CRP: variants seen among roughly 807,000 people sequenced by gnomAD.
CRP encodes the protein C-reactive protein.
Under a neutral mutation model 3.0 loss-of-function variants are expected in CRP, and 6 were observed. The ratio of observed to expected loss-of-function variants is 2.02; its 90% CI spans 1.11 to 3.99. The LOEUF (loss-of-function observed/expected upper bound fraction) is 3.99. Ranked by LOEUF, CRP falls within the 30% of genes most tolerant of loss-of-function variation. CRP has a pLI of 0.00. For synonymous variants in CRP, 130 were observed against 111.0 expected, an observed-to-expected ratio of 1.17 and a Z score of -1.08; for missense variants, 297 against 271.0, an observed-to-expected ratio of 1.10 and a Z score of -0.67.
In CRP at chr1:159,714,050, G is replaced by C; in HGVS notation, c.150C>G (p.Ala50=). Residue 50 remains alanine (A), a synonymous_variant, in exon 2 of 2, where the codon GCC becomes GCG. Coordinates refer to ENST00000255030, the MANE Select transcript of CRP (RefSeq NM_000567.3). ...LKAPLTKPLK[A]FTVCLHFYTE... ...TGTAGAAGTGGAGGCACACAGTGAA[G>C]GCTTTGAGAGGCTTCGTTAACGGTG... 1 of 1,613,524 alleles carries C rather than the reference G, an allele frequency of 6.2e-7. No individual in the cohort carries two copies. Among genetic ancestry groups the C allele is most frequent in the Non-Finnish European group, 8.5e-7 (1 of 1,180,006 alleles).
Position 159,713,993 on chromosome 1 carries a change from A to C in CRP, c.207T>G (p.Ile69Met), listed in dbSNP as rs1660752051. Residue 69 changes from isoleucine to methionine, a missense_variant, in exon 2 of 2, where the codon ATT (isoleucine) becomes ATG (methionine). Ile to Met is a conservative substitution (Grantham distance 10, BLOSUM62 1). Coordinates refer to ENST00000255030, the MANE Select transcript of CRP (RefSeq NM_000567.3). ...TELSSTRGYS[I>M]FSYATKRQDN... is the part of the protein sequence containing the mutation. ...CTTGTCTCTTGGTGGCATACGAGAA[A>C]ATACTGTACCCACGGGTCGAGGACA... 1 of 1,613,496 alleles carries C rather than the reference A, an allele frequency of 6.2e-7. No homozygotes were observed. The highest frequency in any genetic ancestry group is 1.3e-5 in the African/African-American group (1 of 74,906).
At chr1:159,714,238 C>T (rs1186670771) in intron 1 of CRP, 100 bp from the exon 2 acceptor site, 15 of 1,431,338 alleles carry the variant, frequency 1.0e-5, no homozygotes, top group Middle Eastern at 1.9e-4. Flanking sequence ...AACAGACTGA[C>T]CCCTTCTCCA....
chr1:159,714,251 TAC>T (rs1307309582), intron 1 of CRP, 113 bp from the exon 2 acceptor site: 3 of 1,177,374 alleles, frequency 2.5e-6, no homozygotes, highest in Non-Finnish European at 3.5e-6. Flanking sequence ...CTTCTCCAGT[TAC>T]ACACCACACA....
chr1:159,714,045 G>C lies in CRP; in HGVS notation c.155C>G (p.Thr52Ser). The C allele has an allele frequency of 6.2e-7, 1 of 1,613,574 alleles. No homozygotes were observed. Among genetic ancestry groups the C allele is most frequent in the Non-Finnish European group, 8.5e-7 (1 of 1,180,006 alleles). The change falls in exon 2 of 2, where the codon ACT (threonine) becomes AGT (serine). Residue 52 changes from threonine to serine, a missense_variant. By Grantham distance (58) the Thr-to-Ser change is moderately conservative (BLOSUM62 1). Coordinates refer to ENST00000255030, the MANE Select transcript of CRP (RefSeq NM_000567.3). ...APLTKPLKAF[T>S]VCLHFYTELS... ...TTCCGTGTAGAAGTGGAGGCACACA[G>C]TGAAGGCTTTGAGAGGCTTCGTTAA...
chr1:159,714,327 C>T lies in CRP; in HGVS notation c.61+98G>A, dbSNP rs924706891. 1.4e-5 allele frequency: 16 copies of T among 1,148,716 alleles called. No individual in the cohort carries two copies. In the African/African-American group the frequency reaches 2.4e-4, roughly 18 times the overall value. The allele number at this position is 1,148,716 out of a possible 1,614,324, so 71.2% of individuals were successfully genotyped here. ...AGGATGCTCCACTGTTCTGTTCATA[C>T]AGTCTTTTTTTTTTTTTTTTGAGAC... On this transcript the variant is annotated intron_variant, in intron 1 of 1. Transcript: ENST00000255030.
Position 159,714,517 on chromosome 1 carries a change from C to A in CRP, c.-32G>T. On this transcript the variant is annotated 5_prime_UTR_variant, in exon 1 of 2. The change creates a new upstream start codon in the 5' untranslated region. Coordinates refer to ENST00000255030, the MANE Select transcript of CRP (RefSeq NM_000567.3). The stretch of plus-strand genomic sequence containing the variant: ...GTCCTGCTGCCAGTGATACAAGGGC[C>A]TGAATTCACTCCTTTGGAAAAGATG... The A allele has an allele frequency of 6.2e-7, 1 of 1,612,710 alleles. No homozygotes were observed. The highest frequency in any genetic ancestry group is 8.5e-7 in the Non-Finnish European group (1 of 1,179,218).
chr1:159,713,483 T>C lies in CRP; in HGVS notation c.*42A>G. 6.4e-7 allele frequency: 1 copy of C among 1,564,896 alleles called. No homozygotes were observed. Among genetic ancestry groups the C allele is most frequent in the South Asian group, 1.2e-5 (1 of 83,334 alleles). ...AGACAGAGACGTGGGGCCCATGCGG[T>C]GTAAAAAACCGGGAGGTACCTTCAG... is the stretch of plus-strand genomic sequence containing the variant. On this transcript the variant is annotated 3_prime_UTR_variant, in exon 2 of 2. Transcript: ENST00000255030.
chr1:159,713,750 G>A lies in CRP; in HGVS notation c.450C>T (p.Ser150=), dbSNP rs770501193. ...AATCCTGCTCCTGCCCCAAGATGAT[G>A]CTTGCTTCTGCCCCCACAGTGTATC... ...KKGYTVGAEA[S]IILGQEQDSF... is the part of the protein sequence containing the mutation. The change falls in exon 2 of 2, where the codon AGC becomes AGT. Residue 150 remains serine, a synonymous_variant. Transcript: ENST00000255030. 26 of 1,614,038 alleles carry A rather than the reference G, an allele frequency of 1.6e-5. 1 individual carries two copies. In the African/African-American group the frequency reaches 2.4e-4, roughly 15 times the overall value.
At position 159,713,520 on chromosome 1, in the gene CRP, G is replaced by A. The variant is rs778619973; in HGVS notation, c.*5C>T. The stretch of plus-strand genomic sequence containing the variant: ...GGAGGTACCTTCAGGACCCACAGCT[G>A]GGCCTCAGGGCCACAGCTGGGGTTT... On this transcript the variant is annotated 3_prime_UTR_variant, in exon 2 of 2. Transcript: ENST00000255030. 6.2e-7 allele frequency: 1 copy of A among 1,604,726 alleles called. No homozygotes were observed. The highest frequency in any genetic ancestry group is 8.5e-7 in the Non-Finnish European group (1 of 1,175,232).
Position 159,713,522 on chromosome 1 carries a change from G to A in CRP, c.*3C>T, listed in dbSNP as rs1160895284. 15 of 1,605,578 alleles carry A rather than the reference G, an allele frequency of 9.3e-6. No homozygotes were observed. The highest frequency in any genetic ancestry group is 1.3e-5 in the Non-Finnish European group (15 of 1,175,518). ...AGGTACCTTCAGGACCCACAGCTGG[G>A]CCTCAGGGCCACAGCTGGGGTTTGG... On this transcript the variant is annotated 3_prime_UTR_variant, in exon 2 of 2. Coordinates refer to ENST00000255030, the MANE Select transcript of CRP (RefSeq NM_000567.3).
At position 159,713,374 on chromosome 1, in the gene CRP, C is replaced by G. The variant is rs1200257114; in HGVS notation, c.*151G>C. 1.8e-5 allele frequency: 17 copies of G among 963,466 alleles called. No individual in the cohort carries two copies. The East Asian group carries it at 2.6e-4, about 15-fold the overall frequency. 59.7% of individuals were successfully genotyped at this position (963,466 alleles called of 1,614,324 possible). On this transcript the variant is annotated 3_prime_UTR_variant, in exon 2 of 2. Transcript: ENST00000255030. ...TTCTCAGGCGCTGAGGAGGGTGGAGCAGGCCTGCAATGCATATAGGGGAAC... is the reference window on the plus strand; with the variant it reads ...TTCTCAGGCGCTGAGGAGGGTGGAGGAGGCCTGCAATGCATATAGGGGAAC...
At position 159,713,813 on chromosome 1, in the gene CRP, T is replaced by C. The variant is rs1660744225; in HGVS notation, c.387A>G (p.Val129=). Residue 129 remains valine (V), a synonymous_variant, in exon 2 of 2, where the codon GTA becomes GTG. Coordinates refer to ENST00000255030, the MANE Select transcript of CRP (RefSeq NM_000567.3). ...ESASGIVEFW[V]DGKPRVRKSL... is the part of the protein sequence containing the mutation. ...TCTTCCTCACCCTGGGCTTCCCATC[T>C]ACCCAGAACTCCACGATCCCTGAGG... The C allele has an allele frequency of 1.2e-6, 2 of 1,614,182 alleles. No individual in the cohort carries two copies. The highest frequency in any genetic ancestry group is 3.3e-5 in the Admixed American group (2 of 60,028).
chr1:159,714,113 A>G lies in CRP; in HGVS notation c.87T>C (p.Phe29=). The change falls in exon 2 of 2, where the codon TTT becomes TTC. Residue 29 remains phenylalanine, a synonymous_variant. Coordinates refer to ENST00000255030, the MANE Select transcript of CRP (RefSeq NM_000567.3). The part of the protein sequence containing the change: ...QTDMSRKAFV[F]PKESDTSYVS... ...CATAGGAAGTATCCGACTCTTTGGG[A>G]AACACAAAAGCCTTCCTCGACATGT... The G allele has an allele frequency of 6.2e-7, 1 of 1,612,172 alleles. No individual in the cohort carries two copies.
In CRP at chr1:159,713,566, C is replaced by T; in HGVS notation, c.634G>A (p.Val212Met). 1 of 1,613,902 alleles carries T rather than the reference C, an allele frequency of 6.2e-7. No homozygotes were observed. Among genetic ancestry groups the T allele is most frequent in the Admixed American group, 1.7e-5 (1 of 60,032 alleles). The part of the protein sequence containing the change: ...VLNWRALKYE[V>M]QGEVFTKPQL... ...GGTTTGGTGAACACTTCGCCTTGCA[C>T]TTCATACTTCAGTGCCCGCCAGTTC... The change falls in exon 2 of 2, where the codon GTG (valine) becomes ATG (methionine). Residue 212 changes from valine to methionine, a missense_variant. By Grantham distance (21) the Val-to-Met change is conservative. Coordinates refer to ENST00000255030, the MANE Select transcript of CRP (RefSeq NM_000567.3).
In CRP at chr1:159,713,436, G is replaced by A; in HGVS notation, c.*89C>T. On this transcript the variant is annotated 3_prime_UTR_variant, in exon 2 of 2. Coordinates refer to ENST00000255030, the MANE Select transcript of CRP (RefSeq NM_000567.3). ...GACAGAGACGTGGGAACCATGCAGT[G>A]TAAAAAAGCGGGAGGTACCAGAGAC... 1.3e-6 allele frequency: 2 copies of A among 1,502,690 alleles called. No homozygotes were observed. The highest frequency in any genetic ancestry group is 1.4e-5 in the African/African-American group (1 of 70,752). 93.1% of individuals were successfully genotyped at this position (1,502,690 alleles called of 1,614,324 possible).
At position 159,714,007 on chromosome 1, in the gene CRP, G is replaced by A. The variant is rs377351051; in HGVS notation, c.193C>T (p.Arg65Cys). The A allele has an allele frequency of 5.6e-5, 90 of 1,613,144 alleles. No individual in the cohort carries two copies. Among genetic ancestry groups the A allele is most frequent in the Non-Finnish European group, 6.8e-5 (80 of 1,179,990 alleles). The change falls in exon 2 of 2, where the codon CGT (arginine) becomes TGT (cysteine). Residue 65 changes from arginine (R) to cysteine (C), a missense_variant. Coordinates refer to ENST00000255030, the MANE Select transcript of CRP (RefSeq NM_000567.3). The stretch of plus-strand genomic sequence containing the variant: ...GCATACGAGAAAATACTGTACCCAC[G>A]GGTCGAGGACAGTTCCGTGTAGAAG... ...LHFYTELSST[R>C]GYSIFSYATK...
chr1:159,713,580 G>A lies in CRP; in HGVS notation c.620C>T (p.Ala207Val), dbSNP rs1204283124. The change falls in exon 2 of 2, where the codon GCA becomes GTA. Residue 207 changes from alanine (A) to valine (V), a missense_variant. Transcript: ENST00000255030. The part of the protein sequence containing the change: ...PFSPNVLNWR[A>V]LKYEVQGEVF... ...TTCGCCTTGCACTTCATACTTCAGT[G>A]CCCGCCAGTTCAGGACATTAGGACT... The A allele has an allele frequency of 2.0e-5, 32 of 1,613,950 alleles. No individual in the cohort carries two copies. Among genetic ancestry groups the A allele is most frequent in the Non-Finnish European group, 2.6e-5 (31 of 1,180,032 alleles).
At position 159,714,532 on chromosome 1, in the gene CRP, T is replaced by C. The variant is rs774915577; in HGVS notation, c.-47A>G. 9.3e-6 allele frequency: 15 copies of C among 1,605,990 alleles called. No individual in the cohort carries two copies. In the South Asian group the frequency reaches 1.7e-4, roughly 18 times the overall value. On this transcript the variant is annotated 5_prime_UTR_variant, in exon 1 of 2. Coordinates refer to ENST00000255030, the MANE Select transcript of CRP (RefSeq NM_000567.3). ...ATACAAGGGCCTGAATTCACTCCTT[T>C]GGAAAAGATGTATTCGGCTGAAAGT... is the stretch of plus-strand genomic sequence containing the variant.
Position 159,714,081 on chromosome 1 carries a change from A to G in CRP, c.119T>C (p.Leu40Pro). ...GAGAGGCTTCGTTAACGGTGCTTTGAGGGATACATAGGAAGTATCCGACTC... is the reference window on the plus strand; with the variant it reads ...GAGAGGCTTCGTTAACGGTGCTTTGGGGGATACATAGGAAGTATCCGACTC... Reference protein sequence around the residue: ...PKESDTSYVSLKAPLTKPLKA... With the variant: ...PKESDTSYVSPKAPLTKPLKA... The change falls in exon 2 of 2, where the codon CTC becomes CCC. Residue 40 changes from leucine to proline, a missense_variant. Physicochemically the swap from Leu to Pro is moderately conservative, Grantham distance 98. Coordinates refer to ENST00000255030, the MANE Select transcript of CRP (RefSeq NM_000567.3). 1.9e-6 allele frequency: 3 copies of G among 1,613,452 alleles called. No homozygotes were observed. Among genetic ancestry groups the G allele is most frequent in the Non-Finnish European group, 2.5e-6 (3 of 1,180,016 alleles).
Sources: gnomAD v4.1 joint callset for allele counts on GRCh38, gnomAD v4.1.1 for gene constraint, MANE v1.5 for transcripts, NCBI Gene and HGNC (gene_info 2026-07-23, HGNC 2026-07-21) for gene names.